Variants in RP1 observed in about 807,000 individuals in gnomAD.
RP1 encodes oxygen-regulated protein 1.
Under a neutral mutation model 14.8 loss-of-function variants are expected in RP1, and 16 were observed. That is an observed-to-expected ratio of 1.08 (90% CI 0.73 to 1.65). The LOEUF is 1.65. Ranked by LOEUF, RP1 falls within the 40% of genes most tolerant of loss-of-function variation. The probability of loss-of-function intolerance (pLI) is 0.00; values close to 1 mark genes in which losing one functional copy is unlikely to be tolerated. For missense variants in RP1, 2,631 were observed against 2,535.0 expected, an observed-to-expected ratio of 1.04 and a Z score of -0.81; for synonymous variants, 876 against 883.6, an observed-to-expected ratio of 0.99 and a Z score of 0.15.
intron 1 of RP1, among the ~76,000 whole-genome samples, chr8:54,562,279 C>T (rs1804302170): frequency 6.6e-6 from 1 of 152,192 alleles, no homozygotes; most frequent in Non-Finnish European, 1.5e-5. Flanking sequence ...TCAATTATTG[C>T]TTTTATTAAA....
At chr8:54,821,151 A>G (rs10112190) in intron 24 of RP1, among the ~76,000 whole-genome samples, 54,318 of 152,060 alleles carry the variant, frequency 0.36, 9,810 homozygotes, top group Non-Finnish European at 0.38. Flanking sequence ...AGGTGTAGAA[A>G]ACAGAGAACA....
intron 24 of RP1, among the ~76,000 whole-genome samples, chr8:54,822,682 G>A (rs1431359982): frequency 6.6e-6 from 1 of 152,198 alleles, no homozygotes; most frequent in Non-Finnish European, 1.5e-5. Context: ...ACTACGCAGA[G>A]TAATCCAAGT....
At chr8:54,664,452 AT>A (rs1480020465) in intron 7 of RP1, among the ~76,000 whole-genome samples, 2 of 152,008 alleles carry the variant, frequency 1.3e-5, no homozygotes, top group East Asian at 3.9e-4. Flanking sequence ...TTTGTTTTTA[AT>A]TTTTTGAAAC....
At chr8:54,663,693 T>C in intron 6 of RP1, 10 of 1,510,346 alleles carry the variant, frequency 6.6e-6, no homozygotes, top group Non-Finnish European at 8.8e-6. Flanking sequence ...TTTCTTATGT[T>C]GTCAGTGACA....
At chr8:54,764,030 T>C (rs1241315986) in intron 22 of RP1, among the ~76,000 whole-genome samples, 1 of 152,206 alleles carries the variant, frequency 6.6e-6, no homozygotes, top group Admixed American at 6.5e-5. Context: ...TGAATACCTC[T>C]GGTAGGTGGA....
intron 8 of RP1, among the ~76,000 whole-genome samples, chr8:54,676,971 T>C (rs1807307389): frequency 6.6e-6 from 1 of 152,070 alleles, no homozygotes; most frequent in Non-Finnish European, 1.5e-5. Context: ...GAGAATAGTG[T>C]ATGTAAGGAC....
chr8:54,592,944 A>G (rs1205346885), intron 1 of RP1, among the ~76,000 whole-genome samples: 1 of 152,160 alleles, frequency 6.6e-6, no homozygotes, highest in Non-Finnish European at 1.5e-5. Context: ...TTGTCAAGAA[A>G]GGGGTCTAAA....
chr8:54,800,338 G>C (rs1032796334), intron 24 of RP1, among the ~76,000 whole-genome samples: 1 of 151,690 alleles, frequency 6.6e-6, no homozygotes, highest in African/African-American at 2.4e-5. Flanking sequence ...GTGTGTATGG[G>C]TGTGTGTGTG....
intron 28 of RP1, among the ~76,000 whole-genome samples, chr8:54,869,086 G>T (rs778204219): frequency 6.6e-6 from 1 of 152,152 alleles, no homozygotes; most frequent in African/African-American, 2.4e-5. Context: ...CCTACAGGTA[G>T]ACTCTGTGAT....
At chr8:54,652,910 GCAT>G (rs1280781226) in intron 5 of RP1, 2 of 1,351,416 alleles carry the variant, frequency 1.5e-6, no homozygotes, top group African/African-American at 2.9e-5. Flanking sequence ...AAAATCCTCT[GCAT>G]ATTCCTCTCA....
At chr8:54,847,324 T>A (rs966902054) in intron 25 of RP1, among the ~76,000 whole-genome samples, 8 of 152,162 alleles carry the variant, frequency 5.3e-5, no homozygotes, top group Admixed American at 5.2e-4. Context: ...TAGACCTTAC[T>A]CAGAACTGTC....
At chr8:54,827,337 T>TA (rs1811406629) in intron 24 of RP1, among the ~76,000 whole-genome samples, 1 of 152,100 alleles carries the variant, frequency 6.6e-6, no homozygotes, top group Non-Finnish European at 1.5e-5. Flanking sequence ...TGTATTTTTT[T>TA]TTTTTTTTAG....
intron 24 of RP1, among the ~76,000 whole-genome samples, chr8:54,836,460 A>T (rs1424419087): frequency 2.0e-5 from 3 of 152,208 alleles, no homozygotes; most frequent in Non-Finnish European, 4.4e-5. Context: ...ACTCTAAGTT[A>T]TACATGCCTC....
intron 1 of RP1, among the ~76,000 whole-genome samples, chr8:54,596,954 A>G (rs1171413840): frequency 6.6e-6 from 1 of 152,110 alleles, no homozygotes; most frequent in Admixed American, 6.5e-5. Flanking sequence ...TTTTAGAGCT[A>G]CCTTACCGGT....
intron 6 of RP1, among the ~76,000 whole-genome samples, chr8:54,657,125 G>C (rs1281526378): frequency 6.6e-6 from 1 of 152,124 alleles, no homozygotes; most frequent in Non-Finnish European, 1.5e-5. Flanking sequence ...GAAAAGTGAA[G>C]CAGGAGCATT....
chr8:54,824,887 C>T (rs1182468083), intron 24 of RP1, among the ~76,000 whole-genome samples: 1 of 152,022 alleles, frequency 6.6e-6, no homozygotes, highest in South Asian at 2.1e-4. Flanking sequence ...TTAAAACTCT[C>T]AGAAAAAATG....
intron 7 of RP1, among the ~76,000 whole-genome samples, chr8:54,672,959 T>G (rs1807211310): frequency 6.6e-6 from 1 of 152,224 alleles, no homozygotes; most frequent in Non-Finnish European, 1.5e-5. Flanking sequence ...CTGTTCTGTT[T>G]GGTGGATAAA....
At chr8:54,807,916 G>A (rs960822751) in intron 24 of RP1, among the ~76,000 whole-genome samples, 17 of 151,532 alleles carry the variant, frequency 1.1e-4, no homozygotes, top group Middle Eastern at 3.2e-3. Flanking sequence ...GATGAGACCC[G>A]TCCACATTAT....
intron 1 of RP1, among the ~76,000 whole-genome samples, chr8:54,607,242 T>C (rs1805471465): frequency 6.6e-6 from 1 of 152,204 alleles, no homozygotes; most frequent in Non-Finnish European, 1.5e-5. Flanking sequence ...TCCTTTCTGT[T>C]TGTTAGTTTT....
Sources: gnomAD v4.1 joint callset for allele counts (sites outside exome capture counted in the v4.1 genomes callset) on GRCh38, gnomAD v4.1.1 for gene constraint, MANE v1.5 for transcripts, NCBI Gene and HGNC (gene_info 2026-07-23, HGNC 2026-07-21) for gene names.